ASPSCR1: variants seen among roughly 807,000 people sequenced by gnomAD.
ASPSCR1 encodes ASPSCR1 tether for SLC2A4, UBX domain containing, also known as tether containing UBX domain for GLUT4.
A neutral mutation model predicts 68.9 loss-of-function variants in ASPSCR1; 55 were observed. The ratio of observed to expected loss-of-function variants is 0.80; its 90% CI spans 0.64 to 1.00. ASPSCR1 has a LOEUF of 1.00. Among genes scored for constraint, ASPSCR1 ranks in the 50% least tolerant of loss-of-function variants. The pLI is 0.00. For missense variants in ASPSCR1, 765 were observed against 762.2 expected (o/e 1.00, Z -0.04); for synonymous variants, 352 against 332.6 (o/e 1.06, Z -0.63).
rs899856133 is a variant in ASPSCR1, at chr17:81,987,960, C to A, written c.374+2353C>A. Among the ~76,000 whole-genome samples, 1 of 151,812 alleles carries A rather than the reference C, an allele frequency of 6.6e-6. No homozygotes were observed. Among genetic ancestry groups the A allele is most frequent in the Non-Finnish European group, 1.5e-5 (1 of 67,964 alleles). ...GGATCACGAGGTCAGGAGTTCGAGA[C>A]CAGCCTGGCCAATATGGTGAAACTC... On this transcript the variant is annotated intron_variant, in intron 4 of 15. Coordinates refer to ENST00000306739, the MANE Select transcript of ASPSCR1 (RefSeq NM_024083.4). This position sits in a 1 kb window ranked among gnomAD's most constrained non-coding sequence, Gnocchi z 5.6.
Position 81,983,460 on chromosome 17 carries a change from G to C in ASPSCR1, c.159-94G>C, listed in dbSNP as rs947987809. The C allele has an allele frequency of 1.9e-6, 2 of 1,027,042 alleles. No homozygotes were observed. Among genetic ancestry groups the C allele is most frequent in the African/African-American group, 3.2e-5 (2 of 63,366 alleles). 63.6% of individuals were successfully genotyped at this position (1,027,042 alleles called of 1,614,324 possible). A position where few individuals can be genotyped will look rare whatever the true frequency, so the allele number is the denominator to read the frequency against. On this transcript the variant is annotated intron_variant, in intron 2 of 15. Coordinates refer to ENST00000306739, the MANE Select transcript of ASPSCR1 (RefSeq NM_024083.4). The surrounding 1 kb of genome is among the most constrained non-coding windows in gnomAD (Gnocchi z 4.4). The stretch of plus-strand genomic sequence containing the variant: ...ACGTGGATGGCGGGGCGTGGATGGC[G>C]GGGCGTGGATGGTGGGACGGGGATG...
At chr17:81,984,597 C>T (rs531045247) in intron 3 of ASPSCR1, among the ~76,000 whole-genome samples, 1 of 151,544 alleles carries the variant, frequency 6.6e-6, no homozygotes, top group Non-Finnish European at 1.5e-5. Flanking sequence ...AAAAAAAGAG[C>T]AGCAAACATT....
rs869273858 is a variant in ASPSCR1 at position 81,999,626 on chromosome 17, CAAAAAAA to C, written c.933+2792_933+2798del. On this transcript the variant is annotated intron_variant, in intron 7 of 15. Transcript: ENST00000306739. This position sits in a 1 kb window ranked among gnomAD's most constrained non-coding sequence, Gnocchi z 4.4. Reference sequence around the variant, plus strand: ...CGGGTGACAGAGTGAAACTCCATCTCAAAAAAAAAAAAAAAAAAGAAAACAAGAAGTG... The same window carrying C: ...CGGGTGACAGAGTGAAACTCCATCTCAAAAAAAAAAAGAAAACAAGAAGTG... Among the ~76,000 whole-genome samples the C allele has an allele frequency of 5.6e-5, 4 of 72,010 alleles. No individual in the cohort carries two copies. The highest frequency in any genetic ancestry group is 1.0e-4 in the African/African-American group (2 of 19,268). The allele number at this position is 72,010 out of a possible 152,430, so 47.2% of individuals were successfully genotyped here. A position where few individuals can be genotyped will look rare whatever the true frequency, so the allele number is the denominator to read the frequency against.
chr17:82,005,844 C>A (rs1042934110), intron 7 of ASPSCR1: 2 of 152,268 alleles, frequency 1.3e-5, no homozygotes, highest in Admixed American at 1.3e-4. Flanking sequence ...CCAGCGTGAC[C>A]GTGTGTGTGG....
rs1190450758 is a variant in ASPSCR1 at position 81,996,673 on chromosome 17, G to A, written c.760G>A (p.Gly254Ser). Residue 254 changes from glycine to serine, a missense_variant, in exon 7 of 16, where the codon GGC becomes AGC. Gly to Ser is a moderately conservative substitution (Grantham distance 56). Transcript: ENST00000306739. ...PFSGGGQRLG[G>S]PPGPTRPLTS... is the part of the protein sequence containing the mutation. ...CTCGGGTGGGGGACAGAGACTGGGG[G>A]GCCCTCCTGGGCCCACGAGGCCTCT... is the stretch of plus-strand genomic sequence containing the variant. 2 of 1,612,854 alleles carry A rather than the reference G, an allele frequency of 1.2e-6. No homozygotes were observed. Among genetic ancestry groups the A allele is most frequent in the Non-Finnish European group, 8.5e-7 (1 of 1,179,700 alleles).
At position 82,010,849 on chromosome 17, in the gene ASPSCR1, C is replaced by T. The variant is rs781589037; in HGVS notation, c.1218C>T (p.Phe406=). 1.1e-5 allele frequency: 17 copies of T among 1,612,796 alleles called. No homozygotes were observed. Among genetic ancestry groups the T allele is most frequent in the Non-Finnish European group, 1.3e-5 (15 of 1,179,930 alleles). ...CCGACCGCTACGTCCTACAGGGCTT[C>T]TTCCGCCCCAGCGAGACAGGTGGGC... The part of the protein sequence containing the change: ...LFPDRYVLQG[F]FRPSETVGDL... The change falls in exon 10 of 16, where the codon TTC becomes TTT. Residue 406 remains phenylalanine, a synonymous_variant. Transcript: ENST00000306739.
chr17:82,012,001 A>G, intron 11 of ASPSCR1: 1 of 650,660 alleles, frequency 1.5e-6, no homozygotes, highest in Non-Finnish European at 2.8e-6. Context: ...CTGCAAGGGG[A>G]GCCGGGCTGC....
chr17:82,017,034 C>T lies in ASPSCR1; in HGVS notation c.1569C>T (p.Val523=). ...CAGCTGCTGAGGAGGGGGCGCTGGT[C>T]CCCCCTGAGCCCATCCCAGGGACGG... ...SEPAAEEGAL[V]PPEPIPGTAQ... is the part of the protein sequence containing the mutation. Residue 523 remains valine, a synonymous_variant, in exon 15 of 16, where the codon GTC becomes GTT. Coordinates refer to ENST00000306739, the MANE Select transcript of ASPSCR1 (RefSeq NM_024083.4). 1 of 1,611,870 alleles carries T rather than the reference C, an allele frequency of 6.2e-7. No homozygotes were observed. The highest frequency in any genetic ancestry group is 8.5e-7 in the Non-Finnish European group (1 of 1,179,678).
At chr17:81,994,742 G>C (rs760316750) in intron 4 of ASPSCR1, 79 bp from the exon 5 acceptor site, 7 of 1,464,444 alleles carry the variant, frequency 4.8e-6, no homozygotes, top group Non-Finnish European at 6.7e-6. Context: ...TTTGCTTTCC[G>C]AGTCTCCTGC....
In ASPSCR1 at chr17:81,983,082, T is replaced by A. The variant is rs1210433928; in HGVS notation, c.159-472T>A. On this transcript the variant is annotated intron_variant, in intron 2 of 15. Transcript: ENST00000306739. This position sits in a 1 kb window ranked among gnomAD's most constrained non-coding sequence, Gnocchi z 4.4. ...TTGTCTCAAACTCCTGAACCTCAGG[T>A]GATCCGCCTGCCTCGGCCTCCGAAA... Among the ~76,000 whole-genome samples the A allele has an allele frequency of 2.0e-5, 3 of 152,186 alleles. No homozygotes were observed. The highest frequency in any genetic ancestry group is 4.4e-5 in the Non-Finnish European group (3 of 68,028).
chr17:81,989,408 C>T lies in ASPSCR1; in HGVS notation c.374+3801C>T, dbSNP rs184276891. Among the ~76,000 whole-genome samples the T allele has an allele frequency of 1.5e-3, 226 of 152,298 alleles. 2 individuals are homozygous for T. The highest frequency in any genetic ancestry group is 5.2e-3 in the African/African-American group (218 of 41,564). ...GGTCTGCATGAGGGAGGGAGGCTCT[C>T]GTGCCTAGTGTCCCTGCACTGGCCC... is the stretch of plus-strand genomic sequence containing the variant. On this transcript the variant is annotated intron_variant, in intron 4 of 15. Transcript: ENST00000306739.
In ASPSCR1 at chr17:81,983,487, C is replaced by T. The variant is rs1032465405; in HGVS notation, c.159-67C>T. The T allele has an allele frequency of 2.1e-5, 27 of 1,313,652 alleles. No individual in the cohort carries two copies. The African/African-American group carries it at 2.5e-4, about 12-fold the overall frequency. 81.4% of individuals were successfully genotyped at this position (1,313,652 alleles called of 1,614,324 possible). ...GGCGTGGATGGTGGGACGGGGATGGCGGGGCGTGGATGGCAGGGCGTGTCA... is the reference window on the plus strand; with the variant it reads ...GGCGTGGATGGTGGGACGGGGATGGTGGGGCGTGGATGGCAGGGCGTGTCA... On this transcript the variant is annotated intron_variant, in intron 2 of 15. Coordinates refer to ENST00000306739, the MANE Select transcript of ASPSCR1 (RefSeq NM_024083.4). This position sits in a 1 kb window ranked among gnomAD's most constrained non-coding sequence, Gnocchi z 4.4.
At position 81,977,859 on chromosome 17, in the gene ASPSCR1, A is replaced by C; in HGVS notation, c.102+111A>C. 7 of 747,078 alleles carry C rather than the reference A, an allele frequency of 9.4e-6. No homozygotes were observed. Among genetic ancestry groups the C allele is most frequent in the East Asian group, 4.2e-5 (1 of 23,650 alleles). The allele number at this position is 747,078 out of a possible 1,614,324, so 46.3% of individuals were successfully genotyped here. On this transcript the variant is annotated intron_variant, in intron 1 of 15. Coordinates refer to ENST00000306739, the MANE Select transcript of ASPSCR1 (RefSeq NM_024083.4). This position sits in a 1 kb window ranked among gnomAD's most constrained non-coding sequence, Gnocchi z 5.0. ...TTCGGGGGCGGGGCCTCGGCGGCCA[A>C]TGAGCGGCCTCCTGAGCGGCGGCCC...
In ASPSCR1 at chr17:81,987,350, G is replaced by C. The variant is rs1456250500; in HGVS notation, c.374+1743G>C. 1.3e-5 allele frequency among the ~76,000 whole-genome samples: 2 copies of C among 152,244 alleles called. No individual in the cohort carries two copies. The highest frequency in any genetic ancestry group is 4.8e-5 in the African/African-American group (2 of 41,468). ...GCGCCCTGGCTCTGTGCTGCTTCCT[G>C]AGACGAGAGTGGCAGAGGGCAAGAA... On this transcript the variant is annotated intron_variant, in intron 4 of 15. Coordinates refer to ENST00000306739, the MANE Select transcript of ASPSCR1 (RefSeq NM_024083.4). The surrounding 1 kb of genome is among the most constrained non-coding windows in gnomAD (Gnocchi z 5.6).
At chr17:81,995,239 C>A in intron 5 of ASPSCR1, 1 of 413,782 alleles carries the variant, frequency 2.4e-6, no homozygotes, top group Non-Finnish European at 4.3e-6. Flanking sequence ...TCCCTGGCCT[C>A]ACAGGGGCCT....
rs1459043230 is a variant in ASPSCR1 at position 81,987,273 on chromosome 17, G to T, written c.374+1666G>T. ...AGCCAGGAGTGGCGCCGGGCAGGGAGGCAGGCAGCCCCAGGCGCTGTGTGG... is the reference window on the plus strand; with the variant it reads ...AGCCAGGAGTGGCGCCGGGCAGGGATGCAGGCAGCCCCAGGCGCTGTGTGG... On this transcript the variant is annotated intron_variant, in intron 4 of 15. Coordinates refer to ENST00000306739, the MANE Select transcript of ASPSCR1 (RefSeq NM_024083.4). This position sits in a 1 kb window ranked among gnomAD's most constrained non-coding sequence, Gnocchi z 5.6. Among the ~76,000 whole-genome samples the T allele has an allele frequency of 2.0e-5, 3 of 152,236 alleles. No homozygotes were observed. The highest frequency in any genetic ancestry group is 4.4e-5 in the Non-Finnish European group (3 of 68,050).
intron 12 of ASPSCR1, chr17:82,014,325 C>G (rs948026695): frequency 6.5e-6 from 1 of 152,820 alleles, no homozygotes; most frequent in Non-Finnish European, 1.5e-5. Flanking sequence ...GGCCCTACCC[C>G]ACCTGGACCC....
intron 7 of ASPSCR1, chr17:82,006,475 C>G (rs1166699393): frequency 6.6e-6 from 1 of 152,208 alleles, no homozygotes; most frequent in Non-Finnish European, 1.5e-5. Context: ...GTCTGCCCAT[C>G]TTTCTGTGGG....
In ASPSCR1 at chr17:81,977,829, C is replaced by G. The variant is rs938208210; in HGVS notation, c.102+81C>G. 99 of 1,085,364 alleles carry G rather than the reference C, an allele frequency of 9.1e-5. No homozygotes were observed. Among genetic ancestry groups the G allele is most frequent in the African/African-American group, 2.3e-4 (14 of 60,454 alleles). 67.2% of individuals were successfully genotyped at this position (1,085,364 alleles called of 1,614,324 possible). ...GCCCCGCCCATTGCGGTCGGCGTCC[C>G]GGTGTTCGGGGGCGGGGCCTCGGCG... is the stretch of plus-strand genomic sequence containing the variant. On this transcript the variant is annotated intron_variant, in intron 1 of 15. Transcript: ENST00000306739. This position sits in a 1 kb window ranked among gnomAD's most constrained non-coding sequence, Gnocchi z 5.0.
Sources: gnomAD v4.1 joint callset for allele counts (sites outside exome capture counted in the v4.1 genomes callset) on GRCh38, gnomAD v4.1.1 for gene constraint, Gnocchi (gnomAD v3.1) non-coding constraint, MANE v1.5 for transcripts, NCBI Gene and HGNC (gene_info 2026-07-23, HGNC 2026-07-21) for gene names.